Variants in RAB5C observed in about 807,000 individuals in gnomAD.
The protein encoded by RAB5C is RAB5C, member RAS oncogene family.
A neutral mutation model predicts 25.2 loss-of-function variants in RAB5C; 4 were observed. The observed-to-expected ratio is 0.16, with a 90% CI of 0.08 to 0.36. RAB5C has a LOEUF of 0.36. Ranked by LOEUF, RAB5C falls within the 10% of genes least tolerant of loss-of-function variation. RAB5C has a pLI of 1.00. For missense variants in RAB5C, 199 were observed against 283.8 expected (o/e 0.70, Z 2.15); for synonymous variants, 100 against 106.4 (o/e 0.94, Z 0.37).
intron 1 of RAB5C, among the ~76,000 whole-genome samples, chr17:42,145,713 A>C (rs1333313471): frequency 6.6e-6 from 1 of 152,126 alleles, no homozygotes; most frequent in East Asian, 1.9e-4. Flanking sequence ...CCGAGATTGC[A>C]CCACTGCACT....
chr17:42,152,923 G>A (rs2079681556), intron 1 of RAB5C, among the ~76,000 whole-genome samples: 1 of 152,216 alleles, frequency 6.6e-6, no homozygotes, highest in Admixed American at 6.5e-5. Context: ...GAAGACCTAA[G>A]TCTGGTCAGA....
At chr17:42,154,168 G>A (rs1239771454) in intron 1 of RAB5C, among the ~76,000 whole-genome samples, 2 of 152,162 alleles carry the variant, frequency 1.3e-5, no homozygotes, top group African/African-American at 4.8e-5. Context: ...TAATGAATGG[G>A]CACATCCACC....
intron 1 of RAB5C, among the ~76,000 whole-genome samples, chr17:42,142,144 C>T (rs1163539749): frequency 6.8e-6 from 1 of 147,356 alleles, no homozygotes; most frequent in Non-Finnish European, 1.5e-5. Flanking sequence ...AAGGCCCCAA[C>T]CATGCAAACC....
At chr17:42,154,146 G>A (rs527811168) in intron 1 of RAB5C, among the ~76,000 whole-genome samples, 1 of 152,294 alleles carries the variant, frequency 6.6e-6, no homozygotes, top group Non-Finnish European at 1.5e-5. Flanking sequence ...CAAGGGGGGA[G>A]GGGAAAGAAG....
chr17:42,130,721 C>G (rs948282330), intron 1 of RAB5C, 131 bp from the exon 2 acceptor site: 6 of 1,156,036 alleles, frequency 5.2e-6, no homozygotes, highest in African/African-American at 1.6e-5. Context: ...CCTCACCTCC[C>G]TGCCCTCCCC....
Position 42,125,880 on chromosome 17 carries a change from T to C in RAB5C, c.554A>G (p.Asn185Ser). The C allele has an allele frequency of 6.2e-7, 1 of 1,610,736 alleles. No homozygotes were observed. Among genetic ancestry groups the C allele is most frequent in the Non-Finnish European group, 8.5e-7 (1 of 1,178,636 alleles). ...FMAIAKKLPK[N>S]EPQNATGAPG... ...AGCACCAGTTGCATTCTGGGGCTCG[T>C]TCTTGGGAAGCTTCTTAGCTGTTTG... The change falls in exon 6 of 6, where the codon AAC (asparagine) becomes AGC (serine). Residue 185 changes from asparagine (N) to serine (S), a missense_variant. By Grantham distance (46) the Asn-to-Ser change is conservative. Coordinates refer to ENST00000346213, the MANE Select transcript of RAB5C (RefSeq NM_004583.4).
At chr17:42,127,967 G>A (rs540548084) in intron 4 of RAB5C, among the ~76,000 whole-genome samples, 5 of 151,722 alleles carry the variant, frequency 3.3e-5, no homozygotes, top group East Asian at 1.9e-4. Context: ...CTACAGGTGC[G>A]TGCCACCAAG....
chr17:42,147,046 AAGAC>A (rs1362736496), intron 1 of RAB5C, among the ~76,000 whole-genome samples: 11 of 150,220 alleles, frequency 7.3e-5, no homozygotes, highest in East Asian at 3.9e-4. Flanking sequence ...GACAGAAAGA[AAGAC>A]AGAAAAAGAA....
chr17:42,149,719 C>T (rs551921871), intron 1 of RAB5C, among the ~76,000 whole-genome samples: 4 of 152,110 alleles, frequency 2.6e-5, no homozygotes, highest in South Asian at 4.1e-4. Context: ...AGTGGCACAG[C>T]GTTCTCTTCT....
intron 1 of RAB5C, among the ~76,000 whole-genome samples, chr17:42,143,889 C>G (rs879795774): frequency 1.8e-4 from 27 of 151,910 alleles, no homozygotes; most frequent in Admixed American, 1.8e-3. Context: ...TGCTTCAAAC[C>G]ATTCTCCTGC....
chr17:42,132,812 T>C (rs529972710), intron 1 of RAB5C, among the ~76,000 whole-genome samples: 3 of 152,156 alleles, frequency 2.0e-5, no homozygotes, highest in South Asian at 4.1e-4. Flanking sequence ...AACTATTATC[T>C]CCTTCAAGCT....
chr17:42,132,286 G>C (rs1441687346), intron 1 of RAB5C, among the ~76,000 whole-genome samples: 1 of 152,224 alleles, frequency 6.6e-6, no homozygotes, highest in Non-Finnish European at 1.5e-5. Flanking sequence ...AAGGAAAAGA[G>C]GTTTGAAATG....
At chr17:42,129,089 A>C (rs2054459674) in intron 2 of RAB5C, among the ~76,000 whole-genome samples, 1 of 152,114 alleles carries the variant, frequency 6.6e-6, no homozygotes, top group Non-Finnish European at 1.5e-5. Flanking sequence ...CTGAAGAGCA[A>C]CACAGCAGGG....
At chr17:42,134,725 C>T (rs984788326) in intron 1 of RAB5C, among the ~76,000 whole-genome samples, 10 of 152,220 alleles carry the variant, frequency 6.6e-5, no homozygotes, top group African/African-American at 2.4e-4. Flanking sequence ...CAGTCCCAAC[C>T]TCATGTCTTC....
At chr17:42,128,016 T>C (rs2054445610) in intron 4 of RAB5C, among the ~76,000 whole-genome samples, 1 of 151,688 alleles carries the variant, frequency 6.6e-6, no homozygotes. Context: ...GACAGAGTCT[T>C]ACTGTGTCGC....
chr17:42,125,509 G>C lies in RAB5C; in HGVS notation c.*274C>G. ...CTACTCCCAGCAAGGGAAAATGGGAGAGCAGTAGAAAGGGGAGGAAGTGGG... is the reference window on the plus strand; with the variant it reads ...CTACTCCCAGCAAGGGAAAATGGGACAGCAGTAGAAAGGGGAGGAAGTGGG... On this transcript the variant is annotated 3_prime_UTR_variant, in exon 6 of 6. Coordinates refer to ENST00000346213, the MANE Select transcript of RAB5C (RefSeq NM_004583.4). The C allele has an allele frequency of 2.6e-6, 1 of 380,370 alleles. No homozygotes were observed. The allele number at this position is 380,370 out of a possible 1,614,324, so 23.6% of individuals were successfully genotyped here.
At chr17:42,151,362 G>A (rs1403768656) in intron 1 of RAB5C, among the ~76,000 whole-genome samples, 1 of 151,890 alleles carries the variant, frequency 6.6e-6, no homozygotes, top group Non-Finnish European at 1.5e-5. Context: ...GCATGAACCC[G>A]GGAGGCGGAG....
chr17:42,134,906 T>G (rs2054520235), intron 1 of RAB5C, among the ~76,000 whole-genome samples: 1 of 152,080 alleles, frequency 6.6e-6, no homozygotes, highest in South Asian at 2.1e-4. Context: ...GGGACACTGT[T>G]CTTCCCTGCT....
At chr17:42,140,484 AATATAT>A (rs10580000) in intron 1 of RAB5C, among the ~76,000 whole-genome samples, 63 of 72,744 alleles carry the variant, frequency 8.7e-4, no homozygotes, top group African/African-American at 1.5e-3. Context: ...AATATTTTAG[AATATAT>A]ATATATATAT....
Sources: allele counts gnomAD v4.1 joint callset (sites outside exome capture counted in the v4.1 genomes callset), GRCh38; gene constraint gnomAD v4.1.1; transcripts MANE v1.5; gene names NCBI Gene and HGNC (gene_info 2026-07-23, HGNC 2026-07-21).